SGCD: variants seen among roughly 807,000 people sequenced by gnomAD.
The protein encoded by SGCD is sarcoglycan delta.
A neutral mutation model predicts 36.6 loss-of-function variants in SGCD; 18 were observed. The ratio of observed to expected loss-of-function variants is 0.49; its 90% CI spans 0.34 to 0.73. The LOEUF is 0.73. SGCD is among the 30% of genes least tolerant of loss of function. The probability of loss-of-function intolerance (pLI) is 0.01; values close to 1 mark genes in which losing one functional copy is unlikely to be tolerated. For missense variants in SGCD, 387 were observed against 346.7 expected, an observed-to-expected ratio of 1.12 and a Z score of -0.92; for synonymous variants, 133 against 130.6, an observed-to-expected ratio of 1.02 and a Z score of -0.12.
At chr5:156,656,906 GTTTT>G (rs1165517949) in intron 7 of SGCD, among the ~76,000 whole-genome samples, 1 of 151,804 alleles carries the variant, frequency 6.6e-6, no homozygotes. Flanking sequence ...TGTTGTTGTT[GTTTT>G]GTTTTGTTTT....
intron 1 of SGCD, among the ~76,000 whole-genome samples, chr5:156,105,294 G>C (rs1452439421): frequency 1.3e-5 from 2 of 152,072 alleles, no homozygotes; most frequent in Non-Finnish European, 2.9e-5. Context: ...CCACCAAAAA[G>C]ACCACACACA....
chr5:156,195,247 T>C (rs4704785), intron 3 of SGCD, among the ~76,000 whole-genome samples: 46,962 of 152,034 alleles, frequency 0.31, 7,728 homozygotes, highest in East Asian at 0.6. Context: ...GAAGACTATT[T>C]ATTAGTCTTA....
intron 6 of SGCD, among the ~76,000 whole-genome samples, chr5:156,614,322 A>G (rs1043931539): frequency 2.6e-5 from 4 of 152,204 alleles, no homozygotes; most frequent in African/African-American, 7.2e-5. Context: ...TTCCACAGAG[A>G]GCACATGGCA....
intron 3 of SGCD, among the ~76,000 whole-genome samples, chr5:156,289,511 T>C (rs1049108119): frequency 3.3e-5 from 5 of 151,970 alleles, no homozygotes; most frequent in Non-Finnish European, 5.9e-5. Context: ...TCTGTGTCCA[T>C]GTGTTCTCAT....
At chr5:156,453,894 T>C (rs1754136931) in intron 3 of SGCD, among the ~76,000 whole-genome samples, 1 of 152,180 alleles carries the variant, frequency 6.6e-6, no homozygotes, top group Non-Finnish European at 1.5e-5. Flanking sequence ...TACAAAATTC[T>C]AGAACATGAA....
At chr5:155,774,528 G>T in the SGCD span, among the ~76,000 whole-genome samples, 4 of 152,250 alleles carry the variant, frequency 2.6e-5, no homozygotes, top group African/African-American at 4.8e-5. Context: ...TGGCAGGGCT[G>T]GTTCCTTCTG....
the SGCD span, among the ~76,000 whole-genome samples, chr5:155,774,841 G>A: frequency 6.6e-6 from 1 of 152,112 alleles, no homozygotes; most frequent in South Asian, 2.1e-4. Context: ...ATTAGGTCAA[G>A]GACATTTCTG....
intron 3 of SGCD, among the ~76,000 whole-genome samples, chr5:156,136,414 A>C (rs1299043780): frequency 6.6e-6 from 1 of 152,214 alleles, no homozygotes; most frequent in African/African-American, 2.4e-5. Context: ...GCTAGCCTCA[A>C]TCACTTTTTA....
At chr5:156,265,882 C>T (rs1002171505) in intron 3 of SGCD, among the ~76,000 whole-genome samples, 6 of 151,990 alleles carry the variant, frequency 3.9e-5, no homozygotes, top group Admixed American at 2.0e-4. Context: ...GATTTTCTCA[C>T]GAATCAGCTA....
At chr5:156,576,778 TC>T (rs1759977810) in intron 4 of SGCD, among the ~76,000 whole-genome samples, 1 of 152,108 alleles carries the variant, frequency 6.6e-6, no homozygotes, top group Non-Finnish European at 1.5e-5. Flanking sequence ...GGTTTTTTTT[TC>T]TTGTAAATGT....
intron 3 of SGCD, among the ~76,000 whole-genome samples, chr5:156,460,748 A>T (rs1302667703): frequency 6.6e-6 from 1 of 152,194 alleles, no homozygotes; most frequent in Non-Finnish European, 1.5e-5. Context: ...GAGATACAGT[A>T]TAACAGCATC....
At chr5:155,947,912 A>C (rs1043452551) in intron 1 of SGCD, among the ~76,000 whole-genome samples, 1 of 150,010 alleles carries the variant, frequency 6.7e-6, no homozygotes, top group Non-Finnish European at 1.5e-5. Flanking sequence ...TCTAAGCCTC[A>C]AGTTTTTCAT....
At chr5:156,293,008 T>G (rs1415132728) in intron 3 of SGCD, among the ~76,000 whole-genome samples, 2 of 152,110 alleles carry the variant, frequency 1.3e-5, no homozygotes, top group Non-Finnish European at 2.9e-5. Flanking sequence ...TATTAATCCT[T>G]TATCAGAAAT....
intron 3 of SGCD, among the ~76,000 whole-genome samples, chr5:156,224,781 A>T (rs1764807464): frequency 6.6e-6 from 1 of 152,136 alleles, no homozygotes; most frequent in South Asian, 2.1e-4. Flanking sequence ...CTTTGTCTCA[A>T]GCATTAGGCC....
At chr5:156,171,232 T>A (rs76232632) in intron 3 of SGCD, among the ~76,000 whole-genome samples, 4,293 of 152,278 alleles carry the variant, frequency 0.028, 170 homozygotes, top group African/African-American at 0.087. Flanking sequence ...GCTAAGTGGG[T>A]CCTAGAAGAA....
At chr5:155,786,171 C>A in the SGCD span, among the ~76,000 whole-genome samples, 1 of 152,182 alleles carries the variant, frequency 6.6e-6, no homozygotes, top group Non-Finnish European at 1.5e-5. Flanking sequence ...TGCCAGAGCT[C>A]ATTCTGTTGC....
At chr5:155,732,844 G>A in the SGCD span, among the ~76,000 whole-genome samples, 1 of 152,120 alleles carries the variant, frequency 6.6e-6, no homozygotes, top group Non-Finnish European at 1.5e-5. Context: ...ACAGCTTCAA[G>A]AGGAGAACTC....
intron 1 of SGCD, among the ~76,000 whole-genome samples, chr5:155,911,875 G>T (rs1756637092): frequency 6.6e-6 from 1 of 152,036 alleles, no homozygotes; most frequent in Admixed American, 6.6e-5. Context: ...CATCTCACAG[G>T]ATTTCTTGGG....
chr5:155,989,525 G>T (rs565363851), intron 1 of SGCD, among the ~76,000 whole-genome samples: 1 of 151,850 alleles, frequency 6.6e-6, no homozygotes, highest in Non-Finnish European at 1.5e-5. Context: ...TTTGTTATTC[G>T]CTCTCTCACC....
Sources: allele counts gnomAD v4.1 joint callset (sites outside exome capture counted in the v4.1 genomes callset), GRCh38; gene constraint gnomAD v4.1.1; transcripts MANE v1.5; gene names NCBI Gene and HGNC (gene_info 2026-07-23, HGNC 2026-07-21).